SMO: variants seen among roughly 807,000 people sequenced by gnomAD.
SMO encodes the protein protein smoothened.
SMO carries 40 observed loss-of-function variants against 81.6 expected under a neutral mutation model. The ratio of observed to expected loss-of-function variants is 0.49; its 90% CI spans 0.38 to 0.64. The LOEUF is 0.64. SMO is among the 30% of genes least tolerant of loss of function. The pLI is 0.00. For synonymous variants in SMO, 434 were observed against 432.1 expected (o/e 1.00, Z -0.05); for missense variants, 916 against 1,061.1 (o/e 0.86, Z 1.90).
At chr7:129,203,717 G>C in intron 2 of SMO, 128 bp downstream of exon 2, 1 of 672,790 alleles carries the variant, frequency 1.5e-6, no homozygotes. Flanking sequence ...ACAGCCATGG[G>C]GTCAACAGGA....
intron 1 of SMO, among the ~76,000 whole-genome samples, chr7:129,200,574 G>C (rs1421994011): frequency 3.3e-5 from 5 of 152,082 alleles, no homozygotes; most frequent in Admixed American, 2.6e-4. Context: ...TGTCCTTGAA[G>C]ATGTATTTAA....
Position 129,206,954 on chromosome 7 carries a change from C to G in SMO, c.1264+367C>G, listed in dbSNP as rs533684736. 4.4e-4 allele frequency among the ~76,000 whole-genome samples: 67 copies of G among 152,338 alleles called. No homozygotes were observed. The highest frequency in any genetic ancestry group is 1.6e-3 in the African/African-American group (65 of 41,572). On this transcript the variant is annotated intron_variant, in intron 6 of 11. Coordinates refer to ENST00000249373, the MANE Select transcript of SMO (RefSeq NM_005631.5). The surrounding 1 kb of genome is among the most constrained non-coding windows in gnomAD (Gnocchi z 4.4). The stretch of plus-strand genomic sequence containing the variant: ...TCGCCTCCTGGGTTCAAGTGATTCT[C>G]CTGCCTCACCCTCCCCCATAGCTAA...
At chr7:129,207,316 T>C (rs1356092507) in intron 6 of SMO, among the ~76,000 whole-genome samples, 5 of 152,198 alleles carry the variant, frequency 3.3e-5, no homozygotes, top group African/African-American at 1.2e-4. Flanking sequence ...TTCTGGAGCT[T>C]GGTTTTCATC....
At chr7:129,202,996 T>C (rs1793695452) in intron 1 of SMO, among the ~76,000 whole-genome samples, 1 of 152,160 alleles carries the variant, frequency 6.6e-6, no homozygotes, top group South Asian at 2.1e-4. Flanking sequence ...GTAACCAGTA[T>C]CAGATCAGGA....
intron 2 of SMO, among the ~76,000 whole-genome samples, chr7:129,204,935 C>G (rs570724300): frequency 1.3e-5 from 2 of 150,678 alleles, no homozygotes; most frequent in South Asian, 4.2e-4. Flanking sequence ...GCCCGGGAGG[C>G]AGAGGTTGCA....
rs2150637702 is a variant in SMO at position 129,189,151 on chromosome 7, C to T, written c.-1C>T. 1.0e-5 allele frequency: 12 copies of T among 1,191,072 alleles called. No homozygotes were observed. The highest frequency in any genetic ancestry group is 3.2e-4 in the Middle Eastern group (1 of 3,102). The allele number at this position is 1,191,072 out of a possible 1,614,324, so 73.8% of individuals were successfully genotyped here. A position where few individuals can be genotyped will look rare whatever the true frequency, so the allele number is the denominator to read the frequency against. On this transcript the variant is annotated 5_prime_UTR_variant, in exon 1 of 12. Coordinates refer to ENST00000249373, the MANE Select transcript of SMO (RefSeq NM_005631.5). This position sits in a 1 kb window ranked among gnomAD's most constrained non-coding sequence, Gnocchi z 4.7. ...CTTTTGCTGAGTTGGCGGGGTTGGC[C>T]ATGGCCGCTGCCCGCCCAGCGCGGG...
At chr7:129,202,469 C>T (rs1207002071) in intron 1 of SMO, among the ~76,000 whole-genome samples, 2 of 152,206 alleles carry the variant, frequency 1.3e-5, no homozygotes, top group Non-Finnish European at 2.9e-5. Flanking sequence ...AATGCAACTT[C>T]TTGCTTGGGA....
rs146707951 is a variant in SMO, at chr7:129,205,615, A to G, written c.753A>G (p.Thr251=). Residue 251 remains threonine (T), a synonymous_variant, in exon 4 of 12, where the codon ACA becomes ACG. Transcript: ENST00000249373. ...TGLCTLFTLA[T]FVADWRNSNR... ...GGCCCACTTCTCTCTTCTAGGCCAC[A>G]TTCGTGGCTGACTGGCGGAACTCGA... The G allele has an allele frequency of 5.0e-6, 8 of 1,613,492 alleles. No individual in the cohort carries two copies. In the Admixed American group the frequency reaches 5.0e-5, roughly 10 times the overall value.
At chr7:129,191,701 C>T (rs148360831) in intron 1 of SMO, among the ~76,000 whole-genome samples, 102 of 152,160 alleles carry the variant, frequency 6.7e-4, no homozygotes, top group African/African-American at 2.3e-3. Context: ...GTCAGTGTTA[C>T]CTGGCTCTTA....
chr7:129,210,743 C>G lies in SMO; in HGVS notation c.1652+195C>G, dbSNP rs1793855889. On this transcript the variant is annotated intron_variant, in intron 9 of 11. Coordinates refer to ENST00000249373, the MANE Select transcript of SMO (RefSeq NM_005631.5). This position sits in a 1 kb window ranked among gnomAD's most constrained non-coding sequence, Gnocchi z 4.7. ...CTGGGCCAAGGGCAGAGCCAGCTGCCATCACCTTTTAAGAGCGGAGTGATT... is the reference window on the plus strand; with the variant it reads ...CTGGGCCAAGGGCAGAGCCAGCTGCGATCACCTTTTAAGAGCGGAGTGATT... Among the ~76,000 whole-genome samples, 1 of 152,250 alleles carries G rather than the reference C, an allele frequency of 6.6e-6. No individual in the cohort carries two copies. The highest frequency in any genetic ancestry group is 1.5e-5 in the Non-Finnish European group (1 of 68,040).
At chr7:129,199,462 G>A (rs1454650847) in intron 1 of SMO, among the ~76,000 whole-genome samples, 4 of 152,108 alleles carry the variant, frequency 2.6e-5, no homozygotes, top group East Asian at 1.9e-4. Flanking sequence ...GATTACAGGC[G>A]TGAGCCACCA....
intron 1 of SMO, among the ~76,000 whole-genome samples, chr7:129,192,424 A>C (rs1330883623): frequency 1.3e-5 from 2 of 152,210 alleles, no homozygotes. Context: ...GGGGATGATA[A>C]GGAGCCATTG....
Position 129,203,595 on chromosome 7 carries a change from T to C in SMO, c.537+6T>C, listed in dbSNP as rs201006421. ...GCTTCCCTGAAGGCTGCACGGTGAG[T>C]GCTCTGTGAGACAAGGTCCAGGCTC... On this transcript the variant is annotated splice_donor_region_variant and intron_variant, in intron 2 of 11. Transcript: ENST00000249373. The C allele has an allele frequency of 2.7e-4, 426 of 1,593,602 alleles. No individual in the cohort carries two copies. In the African/African-American group the frequency reaches 5.3e-3, roughly 20 times the overall value.
rs949423444 is a variant in SMO, at chr7:129,188,961, T to A, written c.-191T>A. 8.9e-5 allele frequency: 34 copies of A among 382,672 alleles called. No homozygotes were observed. Among genetic ancestry groups the A allele is most frequent in the Non-Finnish European group, 1.5e-4 (34 of 223,096 alleles). 23.7% of individuals were successfully genotyped at this position (382,672 alleles called of 1,614,324 possible). A position where few individuals can be genotyped will look rare whatever the true frequency, so the allele number is the denominator to read the frequency against. On this transcript the variant is annotated 5_prime_UTR_variant, in exon 1 of 12. Transcript: ENST00000249373. The surrounding 1 kb of genome is among the most constrained non-coding windows in gnomAD (Gnocchi z 4.9). ...CCGCAGCCCAACATGGGCCCCGGGT[T>A]CCAAAGTTTGCGAAGTTGGGCGCCG...
intron 1 of SMO, among the ~76,000 whole-genome samples, chr7:129,201,158 T>C (rs1252968613): frequency 1.3e-5 from 2 of 152,218 alleles, no homozygotes; most frequent in East Asian, 1.9e-4. Context: ...GTGATTCTCC[T>C]GCCTCAGCCT....
Position 129,206,229 on chromosome 7 carries a change from G to A in SMO, c.1000G>A (p.Val334Ile), listed in dbSNP as rs774996267. ...GATGGCTGGTGTGGTTTGGTTTGTG[G>A]TCCTCACCTATGCCTGGCACACTTC... ...ALMAGVVWFV[V>I]LTYAWHTSFK... Residue 334 changes from valine to isoleucine, a missense_variant, in exon 5 of 12, where the codon GTC (valine) becomes ATC (isoleucine). This residue lies in a region of SMO where 436 missense variants were observed against 570.9 expected (regional missense o/e 0.76). Coordinates refer to ENST00000249373, the MANE Select transcript of SMO (RefSeq NM_005631.5). This position sits in a 1 kb window ranked among gnomAD's most constrained non-coding sequence, Gnocchi z 4.4. The A allele has an allele frequency of 6.2e-7, 1 of 1,614,134 alleles. No individual in the cohort carries two copies. The highest frequency in any genetic ancestry group is 1.7e-5 in the Admixed American group (1 of 60,012).
chr7:129,210,979 G>C lies in SMO; in HGVS notation c.1667G>C (p.Ser556Thr), dbSNP rs780718707. Residue 556 changes from serine to threonine, a missense_variant, in exon 10 of 12, where the codon AGT (serine) becomes ACT (threonine). This residue lies in a region of SMO where 324 missense variants were observed against 312.9 expected (regional missense o/e 1.04). Coordinates refer to ENST00000249373, the MANE Select transcript of SMO (RefSeq NM_005631.5). The surrounding 1 kb of genome is among the most constrained non-coding windows in gnomAD (Gnocchi z 4.7). ...TCTGCTCTCAGGTTGACTGGGCAGAGTGACGATGAGCCAAAGCGGATCAAG... is the reference window on the plus strand; with the variant it reads ...TCTGCTCTCAGGTTGACTGGGCAGACTGACGATGAGCCAAAGCGGATCAAG... ...RRTWCRLTGQ[S>T]DDEPKRIKKS... 1 of 1,610,710 alleles carries C rather than the reference G, an allele frequency of 6.2e-7. No homozygotes were observed. Among genetic ancestry groups the C allele is most frequent in the Non-Finnish European group, 8.5e-7 (1 of 1,178,296 alleles).
At chr7:129,193,758 CAAA>C (rs35934044) in intron 1 of SMO, among the ~76,000 whole-genome samples, 4 of 7,450 alleles carry the variant, frequency 5.4e-4, no homozygotes, top group South Asian at 0.017. Context: ...GACTCCATCT[CAAA>C]AAAAAAAAAA....
intron 1 of SMO, 71 bp from the exon 2 acceptor site, chr7:129,203,313 A>T: frequency 8.4e-7 from 1 of 1,186,406 alleles, no homozygotes; most frequent in East Asian, 2.5e-5. Context: ...GGCCTGGAGG[A>T]CAGGGGTGAA....
Sources: allele counts gnomAD v4.1 joint callset (sites outside exome capture counted in the v4.1 genomes callset), GRCh38; gene constraint gnomAD v4.1.1; regional missense constraint gnomAD v4.1.1; non-coding constraint Gnocchi (gnomAD v3.1); transcripts MANE v1.5; gene names NCBI Gene and HGNC (gene_info 2026-07-23, HGNC 2026-07-21).